The following CAMTA1 variants were observed in gnomAD, a reference collection of about 807,000 sequenced individuals.
CAMTA1 encodes the protein calmodulin binding transcription activator 1, also known as calmodulin-binding transcription activator 1.
In CAMTA1, 27 loss-of-function variants were observed where a neutral mutation model predicts 170.9. The ratio of observed to expected loss-of-function variants is 0.16; its 90% CI spans 0.12 to 0.22. The LOEUF (loss-of-function observed/expected upper bound fraction) is 0.22, where lower values mean the gene tolerates loss of function less well. CAMTA1 is among the 10% of genes least tolerant of loss of function. CAMTA1 has a pLI of 1.00. For missense variants in CAMTA1, 1,619 were observed against 2,217.2 expected, an observed-to-expected ratio of 0.73 and a Z score of 5.42; for synonymous variants, 833 against 891.5, an observed-to-expected ratio of 0.93 and a Z score of 1.17.
chr1:7,566,802 G>T (rs1339623143), intron 6 of CAMTA1, among the ~76,000 whole-genome samples: 1 of 152,194 alleles, frequency 6.6e-6, no homozygotes, highest in Admixed American at 6.5e-5. Context: ...TCATCGTGCG[G>T]GGAGGGCAAT....
At chr1:7,114,020 C>T (rs988721669) in intron 4 of CAMTA1, among the ~76,000 whole-genome samples, 9 of 152,190 alleles carry the variant, frequency 5.9e-5, no homozygotes, top group Non-Finnish European at 1.3e-4. Flanking sequence ...CTGTAACCCA[C>T]GAGCCTGCTG....
At chr1:7,247,299 G>A (rs1000700093) in intron 4 of CAMTA1, among the ~76,000 whole-genome samples, 1 of 152,226 alleles carries the variant, frequency 6.6e-6, no homozygotes, top group African/African-American at 2.4e-5. Flanking sequence ...GTTTCCTAGG[G>A]TGAGTGCAGT....
chr1:7,370,673 G>A (rs547122572), intron 5 of CAMTA1, among the ~76,000 whole-genome samples: 5 of 152,232 alleles, frequency 3.3e-5, no homozygotes, highest in South Asian at 2.1e-4. Context: ...GATAGTCGGC[G>A]TTCTTGGGTT....
chr1:7,738,621 A>G lies in CAMTA1; in HGVS notation c.4182+139A>G. 3.3e-6 allele frequency: 3 copies of G among 902,658 alleles called. No homozygotes were observed. The highest frequency in any genetic ancestry group is 4.9e-6 in the Non-Finnish European group (3 of 612,472). The allele number at this position is 902,658 out of a possible 1,614,324, so 55.9% of individuals were successfully genotyped here. On this transcript the variant is annotated intron_variant, in intron 16 of 22. Transcript: ENST00000303635. The surrounding 1 kb of genome is among the most constrained non-coding windows in gnomAD (Gnocchi z 4.9). ...TTGGCTTTGTGCAGAACATCGTTGG[A>G]GTATCTTCTTTCCTTGGGGCCACAT...
At chr1:7,576,967 G>T (rs2095202400) in intron 6 of CAMTA1, among the ~76,000 whole-genome samples, 1 of 152,188 alleles carries the variant, frequency 6.6e-6, no homozygotes, top group Non-Finnish European at 1.5e-5. Flanking sequence ...AATGCATGGG[G>T]TGCCAAGAAT....
chr1:7,183,695 A>G (rs1052441896), intron 4 of CAMTA1, among the ~76,000 whole-genome samples: 9 of 152,188 alleles, frequency 5.9e-5, no homozygotes, highest in African/African-American at 2.2e-4. Context: ...ATCCCAGGAT[A>G]CACTAGTACA....
chr1:6,786,704 A>G (rs149290800), intron 1 of CAMTA1, among the ~76,000 whole-genome samples: 2 of 152,202 alleles, frequency 1.3e-5, no homozygotes, highest in East Asian at 3.9e-4. Context: ...TCTTATGGAG[A>G]CAACTGGACG....
At chr1:7,605,352 G>A (rs915879746) in intron 6 of CAMTA1, among the ~76,000 whole-genome samples, 7 of 152,178 alleles carry the variant, frequency 4.6e-5, no homozygotes, top group Admixed American at 6.5e-5. Context: ...CTTCCCAGCC[G>A]CTTTATTTAC....
intron 6 of CAMTA1, among the ~76,000 whole-genome samples, chr1:7,605,396 C>G (rs1307144128): frequency 3.3e-5 from 5 of 152,224 alleles, no homozygotes; most frequent in Admixed American, 3.3e-4. Flanking sequence ...GGCGCCCCTC[C>G]CCAAGCCTCG....
chr1:7,283,218 C>T (rs951663149), intron 5 of CAMTA1, among the ~76,000 whole-genome samples: 1 of 152,068 alleles, frequency 6.6e-6, no homozygotes, highest in Non-Finnish European at 1.5e-5. Flanking sequence ...CACTGCCACC[C>T]CAACTACAGG....
intron 6 of CAMTA1, among the ~76,000 whole-genome samples, chr1:7,581,398 T>C (rs2095259449): frequency 6.6e-6 from 1 of 152,270 alleles, no homozygotes; most frequent in African/African-American, 2.4e-5. Flanking sequence ...AGCGGCTTCA[T>C]TACTCTGTTC....
chr1:7,608,315 G>T (rs996214320), intron 6 of CAMTA1, among the ~76,000 whole-genome samples: 4 of 152,252 alleles, frequency 2.6e-5, no homozygotes, highest in African/African-American at 9.6e-5. Flanking sequence ...GCAAGGAGGT[G>T]CTGCCAGGAA....
intron 5 of CAMTA1, among the ~76,000 whole-genome samples, chr1:7,411,899 C>A: frequency 8.7e-6 from 1 of 114,954 alleles, no homozygotes; most frequent in African/African-American, 3.4e-5. Context: ...CTAATGCTAT[C>A]CCTCCCCCCT....
chr1:7,692,581 T>C (rs2096329398), intron 11 of CAMTA1, among the ~76,000 whole-genome samples: 1 of 152,108 alleles, frequency 6.6e-6, no homozygotes, highest in African/African-American at 2.4e-5. Flanking sequence ...AAAACCTCCC[T>C]ATGCACAGGA....
intron 11 of CAMTA1, among the ~76,000 whole-genome samples, chr1:7,678,406 A>G (rs2096146037): frequency 6.6e-6 from 1 of 152,216 alleles, no homozygotes; most frequent in Admixed American, 6.5e-5. Context: ...AGTGGGCTTC[A>G]AGGGAGCAGG....
At chr1:7,269,701 T>C (rs1669413082) in intron 5 of CAMTA1, among the ~76,000 whole-genome samples, 1 of 152,080 alleles carries the variant, frequency 6.6e-6, no homozygotes, top group African/African-American at 2.4e-5. Flanking sequence ...GGAAAAATAA[T>C]AGAGTGTGGT....
At position 7,634,168 on chromosome 1, in the gene CAMTA1, C is replaced by T. The variant is rs542827305; in HGVS notation, c.511-6232C>T. Among the ~76,000 whole-genome samples the T allele has an allele frequency of 6.6e-6, 1 of 152,222 alleles. No homozygotes were observed. Among genetic ancestry groups the T allele is most frequent in the East Asian group, 1.9e-4 (1 of 5,156 alleles). ...AAGGGAGGAGCAGACGTGAGGACAC[C>T]CGGGAGGAGGGCACACTCCCACGTG... On this transcript the variant is annotated intron_variant, in intron 6 of 22. Coordinates refer to ENST00000303635, the MANE Select transcript of CAMTA1 (RefSeq NM_015215.4). This position sits in a 1 kb window ranked among gnomAD's most constrained non-coding sequence, Gnocchi z 6.2.
intron 6 of CAMTA1, among the ~76,000 whole-genome samples, chr1:7,554,798 G>A (rs1009712747): frequency 2.0e-5 from 3 of 151,746 alleles, no homozygotes; most frequent in African/African-American, 7.3e-5. Context: ...CCTTATCTTG[G>A]CTTGCTTCAT....
intron 3 of CAMTA1, among the ~76,000 whole-genome samples, chr1:6,850,346 T>C (rs1275983311): frequency 6.6e-6 from 1 of 152,240 alleles, no homozygotes; most frequent in East Asian, 1.9e-4. Flanking sequence ...ATATCCTTCA[T>C]ATCTAAATGA....
Sources: gnomAD v4.1 joint callset for allele counts (sites outside exome capture counted in the v4.1 genomes callset) on GRCh38, gnomAD v4.1.1 for gene constraint, Gnocchi (gnomAD v3.1) non-coding constraint, MANE v1.5 for transcripts, NCBI Gene and HGNC (gene_info 2026-07-23, HGNC 2026-07-21) for gene names.